ATAD3A: variants seen among roughly 807,000 people sequenced by gnomAD.
The protein encoded by ATAD3A is ATPase family AAA domain-containing protein 3A.
ATAD3A carries 46 observed loss-of-function variants against 73.8 expected under a neutral mutation model. The observed-to-expected ratio is 0.62, with a 90% CI of 0.49 to 0.80. ATAD3A has a LOEUF of 0.80. Ranked by LOEUF, ATAD3A falls within the 30% of genes least tolerant of loss-of-function variation. The pLI, the probability that ATAD3A is intolerant of heterozygous loss-of-function variation, is 0.00. For missense variants in ATAD3A, 705 were observed against 838.0 expected (o/e 0.84, Z 1.96); for synonymous variants, 319 against 350.0 (o/e 0.91, Z 0.99).
At chr1:1,518,742 A>C (rs575600352) in intron 4 of ATAD3A, among the ~76,000 whole-genome samples, 179 bp from the exon 5 acceptor site, 5 of 145,114 alleles carry the variant, frequency 3.4e-5, no homozygotes, top group African/African-American at 1.3e-4. Context: ...CCCCACACAC[A>C]TGGGCACAGT....
intron 7 of ATAD3A, 92 bp from the exon 8 acceptor site, chr1:1,522,652 C>T (rs12068889): frequency 0.029 from 46,194 of 1,572,838 alleles, 1,401 homozygotes; most frequent in African/African-American, 0.13. Context: ...CTCCCTCGGG[C>T]GGAGAGAGGG....
rs1184851381 is a variant in ATAD3A at position 1,525,221 on chromosome 1, G to A, written c.1215-19G>A. On this transcript the variant is annotated intron_variant, in intron 11 of 15. Transcript: ENST00000378756. ...CCTGGTGTCACTCTCGCCCTGCTTG[G>A]CCTCCCTCTCGTTCACAGCCTCCTG... 2.5e-6 allele frequency: 4 copies of A among 1,613,378 alleles called. No individual in the cohort carries two copies. The African/African-American group carries it at 5.3e-5, about 22-fold the overall frequency.
At chr1:1,522,968 G>A in intron 8 of ATAD3A, 69 bp downstream of exon 8, 1 of 1,572,686 alleles carries the variant, frequency 6.4e-7, no homozygotes, top group Non-Finnish European at 8.6e-7. Context: ...CACGAGCACA[G>A]CCCACGCACA....
In ATAD3A at chr1:1,526,558, C is replaced by G. The variant is rs533035119; in HGVS notation, c.1337+27C>G. On this transcript the variant is annotated intron_variant, in intron 13 of 15. Coordinates refer to ENST00000378756, the MANE Select transcript of ATAD3A (RefSeq NM_001170535.3). ...TGAGGGAGCCCCTCGGGTCCTGGGC[C>G]CCCGGGCAGGGCTGTGCAGCCGTCG... 8.7e-6 allele frequency: 14 copies of G among 1,611,744 alleles called. No individual in the cohort carries two copies. In the African/African-American group the frequency reaches 1.7e-4, roughly 20 times the overall value.
intron 15 of ATAD3A, among the ~76,000 whole-genome samples, chr1:1,532,921 C>T (rs948539854): frequency 2.6e-5 from 4 of 151,958 alleles, no homozygotes; most frequent in African/African-American, 7.3e-5. Flanking sequence ...CGGCTCCGGT[C>T]AGTGTCTCCT....
rs2077540 is a variant in ATAD3A, at chr1:1,520,688, G to A, written c.750+71G>A. The A allele has an allele frequency of 3.9e-3, 6,293 of 1,610,278 alleles. 286 individuals are homozygous for A. In the Admixed American group the frequency reaches 0.087, roughly 22 times the overall value. ...CATGTGGGGGCCTCCTGGAGCCCCA[G>A]GTCCTGTCCCTGCCGGCTCTGCACA... On this transcript the variant is annotated intron_variant, in intron 7 of 15. Transcript: ENST00000378756. This position sits in a 1 kb window ranked among gnomAD's most constrained non-coding sequence, Gnocchi z 4.0.
chr1:1,525,155 T>A, intron 11 of ATAD3A, 85 bp from the exon 12 acceptor site: 2 of 1,576,716 alleles, frequency 1.3e-6, no homozygotes, highest in Admixed American at 1.7e-5. Context: ...TCTGCCTGCT[T>A]GGCCTGCTCC....
chr1:1,513,104 CCT>C (rs1282203717), intron 1 of ATAD3A, among the ~76,000 whole-genome samples: 2 of 152,218 alleles, frequency 1.3e-5, no homozygotes, highest in African/African-American at 4.8e-5. Context: ...CCCACCTCGG[CCT>C]CCCAAAGCGC....
At chr1:1,528,824 GC>G (rs1416313939) in intron 14 of ATAD3A, among the ~76,000 whole-genome samples, 1 of 152,232 alleles carries the variant, frequency 6.6e-6, no homozygotes, top group Non-Finnish European at 1.5e-5. Context: ...GTTTCCCTAT[GC>G]CCTCCCCTTC....
rs1208464502 is a variant in ATAD3A at position 1,520,844 on chromosome 1, A to G, written c.750+227A>G. ...CCACACAGTGAGACCCCATCTCTAC[A>G]AAAAATCAAATATTAGCTGGGTGTG... is the stretch of plus-strand genomic sequence containing the variant. On this transcript the variant is annotated intron_variant, in intron 7 of 15. Transcript: ENST00000378756. The surrounding 1 kb of genome is among the most constrained non-coding windows in gnomAD (Gnocchi z 4.0). Among the ~76,000 whole-genome samples, 2 of 152,078 alleles carry G rather than the reference A, an allele frequency of 1.3e-5. No homozygotes were observed. The highest frequency in any genetic ancestry group is 2.4e-5 in the African/African-American group (1 of 41,406).
Position 1,522,806 on chromosome 1 carries a change from C to A in ATAD3A, c.813C>A (p.Ala271=). Residue 271 remains alanine, a synonymous_variant, in exon 8 of 16, where the codon GCC becomes GCA. Transcript: ENST00000378756. ...CAGCCAAGAATGCCACGCTTGTCGC[C>A]GGCCGCTTCATCGAGGCTCGGCTGG... The part of the protein sequence containing the change: ...VYSAKNATLV[A]GRFIEARLGK... 5 of 1,610,882 alleles carry A rather than the reference C, an allele frequency of 3.1e-6. No individual in the cohort carries two copies. The highest frequency in any genetic ancestry group is 3.4e-6 in the Non-Finnish European group (4 of 1,179,736).
chr1:1,523,087 T>G lies in ATAD3A; in HGVS notation c.906+188T>G, dbSNP rs1394027603. Among the ~76,000 whole-genome samples the G allele has an allele frequency of 1.3e-5, 2 of 151,834 alleles. No individual in the cohort carries two copies. Among genetic ancestry groups the G allele is most frequent in the African/African-American group, 4.9e-5 (2 of 41,232 alleles). ...TAGGGGTCTGCATCAGTGAGACCCT[T>G]CCCCTGTCTGCCTCGGTGTCCCCTG... On this transcript the variant is annotated intron_variant, in intron 8 of 15. Coordinates refer to ENST00000378756, the MANE Select transcript of ATAD3A (RefSeq NM_001170535.3). The surrounding 1 kb of genome is among the most constrained non-coding windows in gnomAD (Gnocchi z 5.1).
At chr1:1,526,169 C>T (rs6684212) in intron 12 of ATAD3A, among the ~76,000 whole-genome samples, 34,264 of 151,654 alleles carry the variant, frequency 0.23, 7,952 homozygotes, top group African/African-American at 0.57. Flanking sequence ...ACTACAGGTG[C>T]GCCACCACGC....
At chr1:1,529,473 C>T (rs1187340248) in intron 15 of ATAD3A, 142 bp downstream of exon 15, 1 of 1,451,220 alleles carries the variant, frequency 6.9e-7, no homozygotes, top group Non-Finnish European at 9.1e-7. Context: ...GACACAGGGC[C>T]CCCTGCCCCA....
At chr1:1,525,353 G>T (rs1641770527) in intron 12 of ATAD3A, 62 bp downstream of exon 12, 35 of 1,602,026 alleles carry the variant, frequency 2.2e-5, no homozygotes, top group Non-Finnish European at 2.8e-5. Context: ...CGTCTGCCTG[G>T]GCCAGGCTGC....
chr1:1,530,823 C>T lies in ATAD3A; in HGVS notation c.1614+1492C>T, dbSNP rs571560512. 4.6e-4 allele frequency among the ~76,000 whole-genome samples: 41 copies of T among 89,782 alleles called. 3 individuals carry two copies. Among genetic ancestry groups the T allele is most frequent in the South Asian group, 2.3e-3 (5 of 2,156 alleles). 58.9% of individuals were successfully genotyped at this position (89,782 alleles called of 152,430 possible). On this transcript the variant is annotated intron_variant, in intron 15 of 15. Coordinates refer to ENST00000378756, the MANE Select transcript of ATAD3A (RefSeq NM_001170535.3). ...CAGCCTGGGCGACAGAGCGAGACTC[C>T]GTCTCAAAAAAAAAAAAAAAAAAAA...
intron 15 of ATAD3A, among the ~76,000 whole-genome samples, chr1:1,533,529 C>T (rs987155789): frequency 6.6e-6 from 1 of 152,146 alleles, no homozygotes; most frequent in Admixed American, 6.5e-5. Flanking sequence ...GCCCTGGAGG[C>T]CTGTGAGGGT....
Position 1,523,253 on chromosome 1 carries a change from C to A in ATAD3A, c.907-258C>A, listed in dbSNP as rs1466238996. 3.3e-5 allele frequency among the ~76,000 whole-genome samples: 5 copies of A among 152,100 alleles called. No homozygotes were observed. The highest frequency in any genetic ancestry group is 1.2e-4 in the African/African-American group (5 of 41,388). On this transcript the variant is annotated intron_variant, in intron 8 of 15. Coordinates refer to ENST00000378756, the MANE Select transcript of ATAD3A (RefSeq NM_001170535.3). This position sits in a 1 kb window ranked among gnomAD's most constrained non-coding sequence, Gnocchi z 5.1. ...CTGGGGAGCCGCGCCGCTCGCCGCC[C>A]CCGAGGTGCCTGCTCTCCACAGGTC...
At chr1:1,515,451 C>T (rs560421033) in intron 1 of ATAD3A, among the ~76,000 whole-genome samples, 2 of 152,282 alleles carry the variant, frequency 1.3e-5, no homozygotes, top group South Asian at 4.1e-4. Context: ...ATGCTGAGGC[C>T]TCAGCAGCTC....
Sources: gnomAD v4.1 joint callset for allele counts (sites outside exome capture counted in the v4.1 genomes callset) on GRCh38, gnomAD v4.1.1 for gene constraint, Gnocchi (gnomAD v3.1) non-coding constraint, MANE v1.5 for transcripts, NCBI Gene and HGNC (gene_info 2026-07-23, HGNC 2026-07-21) for gene names.